Variants in PTBP3 observed in about 807,000 individuals in gnomAD.
The protein encoded by PTBP3 is polypyrimidine tract-binding protein 3.
In PTBP3, 20 loss-of-function variants were observed where a neutral mutation model predicts 58.7. The ratio of observed to expected loss-of-function variants is 0.34; its 90% CI spans 0.24 to 0.50. PTBP3 has a LOEUF of 0.50. Ranked by LOEUF, PTBP3 falls within the 20% of genes least tolerant of loss-of-function variation. The pLI, the probability that PTBP3 is intolerant of heterozygous loss-of-function variation, is 0.98. For synonymous variants in PTBP3, 185 were observed against 219.8 expected (o/e 0.84, Z 1.40); for missense variants, 509 against 637.2 (o/e 0.80, Z 2.17).
chr9:112,228,863 T>C (rs972069528), intron 10 of PTBP3, among the ~76,000 whole-genome samples: 2 of 152,220 alleles, frequency 1.3e-5, no homozygotes, highest in African/African-American at 2.4e-5. Context: ...ATTGATTCTA[T>C]GGTCTAAATA....
intron 2 of PTBP3, among the ~76,000 whole-genome samples, chr9:112,283,762 GA>G (rs1827982542): frequency 6.6e-6 from 1 of 152,230 alleles, no homozygotes; most frequent in African/African-American, 2.4e-5. Flanking sequence ...CACAGACCTG[GA>G]GGCCTAAGAG....
chr9:112,260,283 C>T (rs10759545), intron 5 of PTBP3, among the ~76,000 whole-genome samples: 43,023 of 152,064 alleles, frequency 0.28, 6,896 homozygotes, highest in South Asian at 0.4. Context: ...CTCATATAAT[C>T]CTCGCAATAA....
intron 5 of PTBP3, among the ~76,000 whole-genome samples, chr9:112,257,962 A>G (rs1836442806): frequency 6.6e-6 from 1 of 150,876 alleles, no homozygotes; most frequent in Non-Finnish European, 1.5e-5. Flanking sequence ...AAAAAAAAAA[A>G]AGTGTATTCA....
chr9:112,298,412 T>A, intron 1 of PTBP3: 1 of 297,398 alleles, frequency 3.4e-6, no homozygotes, highest in South Asian at 3.1e-5. Flanking sequence ...GCAGACTATT[T>A]CTTAAACAAT....
intron 3 of PTBP3, among the ~76,000 whole-genome samples, chr9:112,271,228 A>T (rs1417638729): frequency 6.6e-6 from 1 of 152,156 alleles, no homozygotes; most frequent in Non-Finnish European, 1.5e-5. Flanking sequence ...CTTATCCAAA[A>T]TGCTTAGGAA....
At position 112,286,570 on chromosome 9, in the gene PTBP3, C is replaced by T. The variant is rs570018036; in HGVS notation, c.35-10557G>A. 4.6e-5 allele frequency among the ~76,000 whole-genome samples: 7 copies of T among 152,166 alleles called. No individual in the cohort carries two copies. In the South Asian group the frequency reaches 6.2e-4, roughly 14 times the overall value. ...CACTGTAAGAACCTTCCAAAGTATA[C>T]GTCTCTTTCCCTCAAGCTATCCTTT... On this transcript the variant is annotated intron_variant, in intron 2 of 13. Coordinates refer to ENST00000374257, the MANE Select transcript of PTBP3 (RefSeq NM_001163788.4).
chr9:112,289,379 C>T (rs928201174), intron 2 of PTBP3, among the ~76,000 whole-genome samples: 3 of 151,940 alleles, frequency 2.0e-5, no homozygotes, highest in South Asian at 2.1e-4. Flanking sequence ...TAAAAAGAGG[C>T]CATTTAAGTT....
At chr9:112,269,101 G>A (rs1407110414) in intron 3 of PTBP3, among the ~76,000 whole-genome samples, 2 of 151,302 alleles carry the variant, frequency 1.3e-5, no homozygotes, top group Non-Finnish European at 2.9e-5. Context: ...GGAGGCTAAG[G>A]CAGGAGAATC....
chr9:112,233,838 T>A (rs1352715309), intron 8 of PTBP3, among the ~76,000 whole-genome samples: 2 of 151,818 alleles, frequency 1.3e-5, no homozygotes, highest in African/African-American at 4.8e-5. Flanking sequence ...GGCTGAGGCA[T>A]GAGAATCATT....
At chr9:112,227,355 T>C (rs1053730624) in intron 12 of PTBP3, 56 bp downstream of exon 12, 9 of 1,559,332 alleles carry the variant, frequency 5.8e-6, no homozygotes, top group Admixed American at 1.7e-5. Flanking sequence ...CTCTCCTACA[T>C]CACATATTGT....
At chr9:112,293,119 C>A (rs578110346) in intron 2 of PTBP3, among the ~76,000 whole-genome samples, 1 of 152,070 alleles carries the variant, frequency 6.6e-6, no homozygotes, top group Non-Finnish European at 1.5e-5. Flanking sequence ...ATGAAAGAAC[C>A]CAGACAGGAA....
intron 7 of PTBP3, among the ~76,000 whole-genome samples, chr9:112,243,117 TAA>T (rs979997477): frequency 2.9e-5 from 4 of 139,504 alleles, no homozygotes; most frequent in African/African-American, 1.2e-4. Context: ...AGCTCTATAT[TAA>T]GTCTTACAGC....
Position 112,229,125 on chromosome 9 carries a change from TAC to T in PTBP3, c.1055-655_1055-654del, listed in dbSNP as rs144539426. ...TTTATATAAACCAATATTAAAAAAC[TAC>T]AGTTTTTGAATTTTTAATATATAGA... On this transcript the variant is annotated intron_variant, in intron 10 of 13. Transcript: ENST00000374257. 1.1e-3 allele frequency among the ~76,000 whole-genome samples: 173 copies of T among 152,306 alleles called. 5 individuals carry two copies. The East Asian group carries it at 0.032, about 28-fold the overall frequency.
chr9:112,246,139 C>G (rs1185688061), intron 7 of PTBP3, among the ~76,000 whole-genome samples: 1 of 151,768 alleles, frequency 6.6e-6, no homozygotes, highest in Non-Finnish European at 1.5e-5. Flanking sequence ...CGTGCCACCA[C>G]GCCTAGCTAA....
At chr9:112,350,877 C>A in the PTBP3 span, among the ~76,000 whole-genome samples, 1 of 152,314 alleles carries the variant, frequency 6.6e-6, no homozygotes, top group African/African-American at 2.4e-5. Flanking sequence ...CAGCTCACTG[C>A]AACCTCCGCC....
At chr9:112,264,059 T>G (rs1286732071) in intron 4 of PTBP3, among the ~76,000 whole-genome samples, 1 of 152,150 alleles carries the variant, frequency 6.6e-6, no homozygotes, top group Non-Finnish European at 1.5e-5. Context: ...TTTTAAATGT[T>G]TGGGTAACAA....
intron 1 of PTBP3, among the ~76,000 whole-genome samples, chr9:112,331,231 T>A (rs1830362588): frequency 1.3e-5 from 2 of 152,170 alleles, no homozygotes; most frequent in Admixed American, 1.3e-4. Flanking sequence ...TTTTTCAGGC[T>A]GTTGGAAAAT....
intron 9 of PTBP3, 54 bp from the exon 10 acceptor site, chr9:112,231,467 A>T: frequency 1.4e-6 from 2 of 1,454,962 alleles, no homozygotes; most frequent in Non-Finnish European, 1.9e-6. Flanking sequence ...AAAATTGAAA[A>T]TAAGTTTATT....
Position 112,219,972 on chromosome 9 carries a change from G to A in PTBP3, c.*3879C>T. 4 of 640,092 alleles carry A rather than the reference G, an allele frequency of 6.2e-6. No homozygotes were observed. The highest frequency in any genetic ancestry group is 8.1e-6 in the Non-Finnish European group (4 of 496,006). 39.7% of individuals were successfully genotyped at this position (640,092 alleles called of 1,614,324 possible). A position where few individuals can be genotyped will look rare whatever the true frequency, so the allele number is the denominator to read the frequency against. ...GCTGAGTTATATTTTCAAATTTTGT[G>A]CAATCTAAATTGTATTTCTTTCAGC... On this transcript the variant is annotated 3_prime_UTR_variant, in exon 14 of 14. Transcript: ENST00000374257.
Sources: gnomAD v4.1 joint callset for allele counts (sites outside exome capture counted in the v4.1 genomes callset) on GRCh38, gnomAD v4.1.1 for gene constraint, MANE v1.5 for transcripts, NCBI Gene and HGNC (gene_info 2026-07-23, HGNC 2026-07-21) for gene names.